The following RSRC2 variants were observed in gnomAD, a reference collection of about 807,000 sequenced individuals.
RSRC2 encodes arginine and serine rich coiled-coil 2.
RSRC2 carries 5 observed loss-of-function variants against 61.3 expected under a neutral mutation model. The observed-to-expected ratio is 0.08, with a 90% CI of 0.04 to 0.17. The LOEUF (loss-of-function observed/expected upper bound fraction) is 0.17, where lower values mean the gene tolerates loss of function less well. Among genes scored for constraint, RSRC2 ranks in the 10% least tolerant of loss-of-function variants. RSRC2 has a pLI of 1.00. For missense variants in RSRC2, 381 were observed against 518.8 expected, an observed-to-expected ratio of 0.73 and a Z score of 2.58; for synonymous variants, 202 against 166.5, an observed-to-expected ratio of 1.21 and a Z score of -1.64.
At position 122,511,087 on chromosome 12, in the gene RSRC2, A is replaced by C. The variant is rs1367862739; in HGVS notation, c.805+22T>G. The C allele has an allele frequency of 2.6e-6, 4 of 1,557,710 alleles. No homozygotes were observed. The East Asian group carries it at 9.0e-5, about 35-fold the overall frequency. On this transcript the variant is annotated intron_variant, in intron 7 of 9. Transcript: ENST00000331738. ...TGAAAGAGCTCAAATCGAGATGACT[A>C]AAAAAGAATGAAAAAAATTACCTGC...
In RSRC2 at chr12:122,524,086, C is replaced by G. The variant is rs544230915; in HGVS notation, c.7-1787G>C. The stretch of plus-strand genomic sequence containing the variant: ...AATTTTTATGCTGAAAGGTTTTCAC[C>G]CCTTAGAATAGAGTTCAACTTTCTC... On this transcript the variant is annotated intron_variant, in intron 1 of 9. Coordinates refer to ENST00000331738, the MANE Select transcript of RSRC2 (RefSeq NM_023012.6). Among the ~76,000 whole-genome samples the G allele has an allele frequency of 3.3e-5, 5 of 152,178 alleles. No individual in the cohort carries two copies. The South Asian group carries it at 1.0e-3, about 32-fold the overall frequency.
At position 122,506,872 on chromosome 12, in the gene RSRC2, C is replaced by T; in HGVS notation, c.1087G>A (p.Asp363Asn). 6.2e-7 allele frequency: 1 copy of T among 1,611,294 alleles called. No individual in the cohort carries two copies. The highest frequency in any genetic ancestry group is 2.2e-5 in the East Asian group (1 of 44,862). The change falls in exon 9 of 10, where the codon GAC (aspartate) becomes AAC (asparagine). Residue 363 changes from aspartate (D) to asparagine (N), a missense_variant. Physicochemically the swap from Asp to Asn is conservative, Grantham distance 23. Around this residue, in one of 4 missense-constraint regions of RSRC2, gnomAD observed 78 missense variants for 183.0 expected, o/e 0.43. Transcript: ENST00000331738. ...AATTTCCTAAATTTGACATTTTGGT[C>T]CTTGTTTCCAAAATTCAATTTTTCC... ...IWEKLNFGNKDQNVKFRKLMG... is the reference protein window; with the variant it reads ...IWEKLNFGNKNQNVKFRKLMG...
rs1958696464 is a variant in RSRC2, at chr12:122,513,652, T to C, written c.725+1453A>G. The C allele has an allele frequency of 1.2e-5, 3 of 242,020 alleles. No individual in the cohort carries two copies. The South Asian group carries it at 4.5e-4, about 37-fold the overall frequency. 15.0% of individuals were successfully genotyped at this position (242,020 alleles called of 1,614,324 possible). A position where few individuals can be genotyped will look rare whatever the true frequency, so the allele number is the denominator to read the frequency against. Reference sequence around the variant, plus strand: ...CCAATTTTATAGTAAATTATTTCCATACTAGTTTCAGAAAGAAGATACGTG... The same window carrying C: ...CCAATTTTATAGTAAATTATTTCCACACTAGTTTCAGAAAGAAGATACGTG... On this transcript the variant is annotated intron_variant, in intron 6 of 9. Transcript: ENST00000331738.
chr12:122,517,778 C>G (rs926538700), intron 4 of RSRC2, among the ~76,000 whole-genome samples: 1 of 151,966 alleles, frequency 6.6e-6, no homozygotes, highest in Non-Finnish European at 1.5e-5. Flanking sequence ...CACACACAAC[C>G]CACAGAATTC....
At chr12:122,516,017 G>A (rs1313386708) in intron 5 of RSRC2, among the ~76,000 whole-genome samples, 1 of 151,530 alleles carries the variant, frequency 6.6e-6, no homozygotes, top group Non-Finnish European at 1.5e-5. Flanking sequence ...AGATGTCAGT[G>A]ACCAAAAAAG....
Position 122,518,914 on chromosome 12 carries a change from C to G in RSRC2, c.323G>C (p.Gly108Ala), listed in dbSNP as rs764827341. Residue 108 changes from glycine to alanine, a missense_variant, in exon 4 of 10, where the codon GGT becomes GCT. Around this residue, in one of 4 missense-constraint regions of RSRC2, gnomAD observed 266 missense variants for 270.5 expected, o/e 0.98. Coordinates refer to ENST00000331738, the MANE Select transcript of RSRC2 (RefSeq NM_023012.6). The part of the protein sequence containing the change: ...GRERLNSSEN[G>A]EDRHKRKERK... ...TTCTTTGCGTTTGTGCCTGTCCTCACCATTTTCAGATGAATTTAGTCGCTC... is the reference window on the plus strand; with the variant it reads ...TTCTTTGCGTTTGTGCCTGTCCTCAGCATTTTCAGATGAATTTAGTCGCTC... The G allele has an allele frequency of 5.0e-6, 8 of 1,614,096 alleles. No homozygotes were observed. Among genetic ancestry groups the G allele is most frequent in the Non-Finnish European group, 6.8e-6 (8 of 1,180,008 alleles).
Position 122,526,860 on chromosome 12 carries a change from G to C in RSRC2, c.-7C>G, listed in dbSNP as rs369003916. 6.0e-5 allele frequency: 97 copies of C among 1,614,132 alleles called. No homozygotes were observed. Among genetic ancestry groups the C allele is most frequent in the Non-Finnish European group, 7.9e-5 (93 of 1,180,052 alleles). On this transcript the variant is annotated 5_prime_UTR_variant, in exon 1 of 10. Transcript: ENST00000331738. Reference sequence around the variant, plus strand: ...ATTCGGTACCTACCGCCATAGTTCAGAGTCCCGGCCGCTAGAGCGGCGCCT... The same window carrying C: ...ATTCGGTACCTACCGCCATAGTTCACAGTCCCGGCCGCTAGAGCGGCGCCT...
rs1337274291 is a variant in RSRC2 at position 122,504,599 on chromosome 12, G to A, written c.*928C>T. On this transcript the variant is annotated 3_prime_UTR_variant, in exon 10 of 10. Coordinates refer to ENST00000331738, the MANE Select transcript of RSRC2 (RefSeq NM_023012.6). Reference sequence around the variant, plus strand: ...AGCCGAGATTGTGCCACTGCACCCAGTTTAGGCAACAGAGCAAGATCCTGT... The same window carrying A: ...AGCCGAGATTGTGCCACTGCACCCAATTTAGGCAACAGAGCAAGATCCTGT... The A allele has an allele frequency of 1.3e-5, 2 of 152,286 alleles. No individual in the cohort carries two copies. The highest frequency in any genetic ancestry group is 1.5e-5 in the Non-Finnish European group (1 of 68,044). 9.4% of individuals were successfully genotyped at this position (152,286 alleles called of 1,614,324 possible). A position where few individuals can be genotyped will look rare whatever the true frequency, so the allele number is the denominator to read the frequency against.
In RSRC2 at chr12:122,522,198, T is replaced by A. The variant is rs759751339; in HGVS notation, c.108A>T (p.Ser36=). Residue 36 remains serine, a synonymous_variant, in exon 2 of 10, where the codon TCA becomes TCT. Coordinates refer to ENST00000331738, the MANE Select transcript of RSRC2 (RefSeq NM_023012.6). ...ATCGTGATCTTGAATAATGATGTTT[T>A]GAAGCTCTAGGAGAAACAGATACTT... ...QSEVSVSPRA[S]KHHYSRSRSR... is the part of the protein sequence containing the mutation. The A allele has an allele frequency of 1.1e-5, 17 of 1,614,080 alleles. No homozygotes were observed. The highest frequency in any genetic ancestry group is 1.4e-5 in the Non-Finnish European group (17 of 1,180,002).
chr12:122,523,730 A>AT (rs1472311592), intron 1 of RSRC2: 1 of 152,234 alleles, frequency 6.6e-6, no homozygotes, highest in Non-Finnish European at 1.5e-5. Context: ...GGGGTATTGT[A>AT]TTTTAACAAA....
chr12:122,518,589 T>C (rs1959099319), intron 4 of RSRC2, among the ~76,000 whole-genome samples: 1 of 70,174 alleles, frequency 1.4e-5, no homozygotes, highest in Admixed American at 1.2e-4. Context: ...CAAGACTCCG[T>C]GTCAAAAAAA....
intron 6 of RSRC2, among the ~76,000 whole-genome samples, chr12:122,513,304 A>C (rs925491301): frequency 6.6e-6 from 1 of 151,488 alleles, no homozygotes; most frequent in Non-Finnish European, 1.5e-5. Context: ...TGTATTTCCT[A>C]AACAGTTTTA....
chr12:122,509,733 CACT>C (rs1429519029), intron 7 of RSRC2, among the ~76,000 whole-genome samples: 6 of 152,132 alleles, frequency 3.9e-5, no homozygotes, highest in African/African-American at 1.4e-4. Context: ...AAATAAGTGC[CACT>C]GTTTACCAAA....
intron 6 of RSRC2, 72 bp from the exon 7 acceptor site, chr12:122,511,260 G>A: frequency 8.9e-7 from 1 of 1,121,688 alleles, no homozygotes; most frequent in Non-Finnish European, 1.3e-6. Context: ...CTCTATATGT[G>A]CATGTACAGA....
chr12:122,506,105 C>T (rs1027233357), intron 9 of RSRC2, among the ~76,000 whole-genome samples: 6 of 151,026 alleles, frequency 4.0e-5, no homozygotes, highest in African/African-American at 9.7e-5. Flanking sequence ...TACTTTTGGC[C>T]GGGTGCAGTG....
Position 122,505,059 on chromosome 12 carries a change from G to C in RSRC2, c.*468C>G, listed in dbSNP as rs979605885. ...GGTAACTTAAATTAACACCAGTTTT[G>C]AGAAAACCATTTTTATTATCATTAC... On this transcript the variant is annotated 3_prime_UTR_variant, in exon 10 of 10. Coordinates refer to ENST00000331738, the MANE Select transcript of RSRC2 (RefSeq NM_023012.6). 4.6e-5 allele frequency: 7 copies of C among 152,912 alleles called. No individual in the cohort carries two copies. Among genetic ancestry groups the C allele is most frequent in the African/African-American group, 1.4e-4 (6 of 41,578 alleles). 9.5% of individuals were successfully genotyped at this position (152,912 alleles called of 1,614,324 possible).
intron 3 of RSRC2, chr12:122,520,785 T>C (rs1019192120): frequency 1.5e-5 from 5 of 336,936 alleles, no homozygotes; most frequent in Non-Finnish European, 1.2e-5. Flanking sequence ...CACTTCCTTA[T>C]TGGCTCATTC....
chr12:122,521,449 T>A (rs778376673), intron 2 of RSRC2, 21 bp from the exon 3 acceptor site: 27 of 1,597,082 alleles, frequency 1.7e-5, no homozygotes, highest in Admixed American at 8.4e-5. Flanking sequence ...ACAAAAAAAA[T>A]AATCACCATA....
At chr12:122,509,951 A>G (rs1478442641) in intron 7 of RSRC2, among the ~76,000 whole-genome samples, 1 of 151,994 alleles carries the variant, frequency 6.6e-6, no homozygotes. Flanking sequence ...CCTCCTGAGT[A>G]GCTGGGACTA....
Sources: allele counts gnomAD v4.1 joint callset (sites outside exome capture counted in the v4.1 genomes callset), GRCh38; gene constraint gnomAD v4.1.1; regional missense constraint gnomAD v4.1.1; transcripts MANE v1.5; gene names NCBI Gene and HGNC (gene_info 2026-07-23, HGNC 2026-07-21).